The following SH3GL3 variants were observed in gnomAD, a reference collection of about 807,000 sequenced individuals.
The protein encoded by SH3GL3 is SH3 domain containing GRB2 like 3, endophilin A3.
A neutral mutation model predicts 47.7 loss-of-function variants in SH3GL3; 33 were observed. The observed-to-expected ratio is 0.69, with a 90% CI of 0.52 to 0.92. SH3GL3 has a LOEUF of 0.92. Among genes scored for constraint, SH3GL3 ranks in the 40% least tolerant of loss-of-function variants. The probability of loss-of-function intolerance (pLI) is 0.00; values close to 1 mark genes in which losing one functional copy is unlikely to be tolerated. For synonymous variants in SH3GL3, 155 were observed against 148.8 expected, an observed-to-expected ratio of 1.04 and a Z score of -0.30; for missense variants, 363 against 417.8, an observed-to-expected ratio of 0.87 and a Z score of 1.14.
chr15:83,616,643 T>C (rs929451973), intron 8 of SH3GL3, among the ~76,000 whole-genome samples: 3 of 152,214 alleles, frequency 2.0e-5, no homozygotes, highest in African/African-American at 4.8e-5. Context: ...AATCCTTTTC[T>C]TGGAATTTAT....
At chr15:83,563,885 GC>G (rs1276906870) in intron 2 of SH3GL3, among the ~76,000 whole-genome samples, 1 of 152,158 alleles carries the variant, frequency 6.6e-6, no homozygotes, top group Non-Finnish European at 1.5e-5. Flanking sequence ...TGATCCACCT[GC>G]CTCAGCCTCC....
intron 1 of SH3GL3, among the ~76,000 whole-genome samples, chr15:83,483,288 G>A (rs1264177271): frequency 3.3e-5 from 5 of 152,126 alleles, no homozygotes; most frequent in East Asian, 1.9e-4. Flanking sequence ...AGACCAGTGC[G>A]GCCCAGTGCA....
rs141216246 is a variant in SH3GL3 at position 83,541,295 on chromosome 15, G to C, written c.46-17958G>C. Among the ~76,000 whole-genome samples the C allele has an allele frequency of 5.6e-5, 8 of 141,702 alleles. No homozygotes were observed. In the East Asian group the frequency reaches 1.8e-3, roughly 33 times the overall value. 93.0% of individuals were successfully genotyped at this position (141,702 alleles called of 152,430 possible). On this transcript the variant is annotated intron_variant, in intron 1 of 8. Transcript: ENST00000427482. Reference sequence around the variant, plus strand: ...TTCTTTCCTAGCAGTGGGATGGCTGGATCATATGGTAATTCTATTTTTTTT... The same window carrying C: ...TTCTTTCCTAGCAGTGGGATGGCTGCATCATATGGTAATTCTATTTTTTTT...
rs1555469201 is a variant in SH3GL3, at chr15:83,448,441, G to GAT, written c.45+864_45+865dup. Among the ~76,000 whole-genome samples the GAT allele has an allele frequency of 8.7e-5, 6 of 68,598 alleles. No individual in the cohort carries two copies. The East Asian group carries it at 2.1e-3, about 24-fold the overall frequency. 45.0% of individuals were successfully genotyped at this position (68,598 alleles called of 152,430 possible). A position where few individuals can be genotyped will look rare whatever the true frequency, so the allele number is the denominator to read the frequency against. The stretch of plus-strand genomic sequence containing the variant: ...AAAACAGGAGGGGAGACATGAAATT[G>GAT]ATGTGTGTGTGTGTGTGTGTGTGTG... On this transcript the variant is annotated intron_variant, in intron 1 of 8. Transcript: ENST00000427482. The surrounding 1 kb of genome is among the most constrained non-coding windows in gnomAD (Gnocchi z 4.2).
intron 1 of SH3GL3, among the ~76,000 whole-genome samples, chr15:83,524,828 G>A (rs911389550): frequency 6.6e-6 from 1 of 151,986 alleles, no homozygotes; most frequent in African/African-American, 2.4e-5. Context: ...CCATGTTGCT[G>A]CAAATAACAG....
At chr15:83,592,340 T>G (rs77451421) in intron 8 of SH3GL3, among the ~76,000 whole-genome samples, 1,546 of 152,316 alleles carry the variant, frequency 0.01, 28 homozygotes, top group African/African-American at 0.035. Flanking sequence ...ACTCTTAAAA[T>G]GCACTCCTCC....
Position 83,585,223 on chromosome 15 carries a change from TA to T in SH3GL3, c.625-1758del, listed in dbSNP as rs889583120. 2.2e-4 allele frequency among the ~76,000 whole-genome samples: 33 copies of T among 152,202 alleles called. 1 individual carries two copies. Among genetic ancestry groups the T allele is most frequent in the Non-Finnish European group, 3.2e-4 (22 of 68,036 alleles). On this transcript the variant is annotated intron_variant, in intron 6 of 8. Coordinates refer to ENST00000427482, the MANE Select transcript of SH3GL3 (RefSeq NM_003027.5). ...AGTGCTGCCATTGTTTCCCAAGGTT[TA>T]AGGGTTTTCAGGATTCATTTCCTTC...
At chr15:83,578,617 T>G (rs1161393561) in intron 6 of SH3GL3, among the ~76,000 whole-genome samples, 11 of 152,098 alleles carry the variant, frequency 7.2e-5, no homozygotes. Context: ...ATTAAACCAC[T>G]GAGGCCTGAA....
chr15:83,508,229 C>T (rs899952624), intron 1 of SH3GL3, among the ~76,000 whole-genome samples: 7 of 151,930 alleles, frequency 4.6e-5, no homozygotes, highest in Non-Finnish European at 8.8e-5. Flanking sequence ...CTTGAGCCAC[C>T]GTGCCCAGCC....
intron 1 of SH3GL3, among the ~76,000 whole-genome samples, chr15:83,483,373 T>C (rs966209834): frequency 6.6e-6 from 1 of 152,244 alleles, no homozygotes; most frequent in Non-Finnish European, 1.5e-5. Context: ...GCATGACTAC[T>C]GAGCATTTGA....
intron 1 of SH3GL3, among the ~76,000 whole-genome samples, chr15:83,520,563 G>A (rs1009876637): frequency 2.0e-5 from 3 of 152,106 alleles, no homozygotes; most frequent in African/African-American, 7.2e-5. Context: ...GGTTGCTGCA[G>A]TGGAGGTGAG....
At chr15:83,505,242 T>C (rs1397034861) in intron 1 of SH3GL3, among the ~76,000 whole-genome samples, 2 of 152,196 alleles carry the variant, frequency 1.3e-5, no homozygotes, top group Non-Finnish European at 2.9e-5. Context: ...GACCTTGTAG[T>C]GCACTCGCTG....
intron 1 of SH3GL3, among the ~76,000 whole-genome samples, chr15:83,487,551 C>T (rs892931076): frequency 3.3e-5 from 5 of 151,844 alleles, no homozygotes; most frequent in Non-Finnish European, 7.4e-5. Flanking sequence ...TGTTTTTGCT[C>T]TTTTTTTTGA....
chr15:83,519,352 C>T (rs1229540641), intron 1 of SH3GL3, among the ~76,000 whole-genome samples: 2 of 152,112 alleles, frequency 1.3e-5, no homozygotes, highest in Non-Finnish European at 2.9e-5. Flanking sequence ...CTTTCAGCAG[C>T]GTTTTGTACT....
intron 2 of SH3GL3, among the ~76,000 whole-genome samples, chr15:83,559,538 G>A (rs985337691): frequency 2.0e-5 from 3 of 152,202 alleles, no homozygotes; most frequent in Non-Finnish European, 4.4e-5. Context: ...TAATGAGATC[G>A]ATGTGGCTAA....
intron 8 of SH3GL3, among the ~76,000 whole-genome samples, chr15:83,604,182 TTAACTA>T (rs1440971387): frequency 6.6e-6 from 1 of 151,800 alleles, no homozygotes; most frequent in East Asian, 1.9e-4. Context: ...TATAAGCAAA[TTAACTA>T]AAAATTTTGA....
chr15:83,501,373 G>A (rs2042286111), intron 1 of SH3GL3, among the ~76,000 whole-genome samples: 1 of 152,068 alleles, frequency 6.6e-6, no homozygotes, highest in Admixed American at 6.6e-5. Flanking sequence ...TACTTTCTGT[G>A]CTAACATTTT....
At chr15:83,625,829 G>GTTGT in the SH3GL3 span, among the ~76,000 whole-genome samples, 3 of 151,468 alleles carry the variant, frequency 2.0e-5, no homozygotes, top group Non-Finnish European at 4.4e-5. Context: ...TGTTGTTGTT[G>GTTGT]TTGTTTGTTT....
intron 1 of SH3GL3, among the ~76,000 whole-genome samples, chr15:83,523,051 A>C (rs1188832121): frequency 6.6e-6 from 1 of 152,250 alleles, no homozygotes; most frequent in Non-Finnish European, 1.5e-5. Context: ...AATTATAAAA[A>C]ATAGATTTAC....
Sources: allele counts gnomAD v4.1 joint callset (sites outside exome capture counted in the v4.1 genomes callset), GRCh38; gene constraint gnomAD v4.1.1; non-coding constraint Gnocchi (gnomAD v3.1); transcripts MANE v1.5; gene names NCBI Gene and HGNC (gene_info 2026-07-23, HGNC 2026-07-21).